The following VAPB variants were observed in gnomAD, a reference collection of about 807,000 sequenced individuals.
VAPB encodes the protein VAMP associated protein B and C, also known as vesicle-associated membrane protein-associated protein B/C.
A neutral mutation model predicts 25.6 loss-of-function variants in VAPB; 7 were observed. The ratio of observed to expected loss-of-function variants is 0.27; its 90% CI spans 0.16 to 0.51. VAPB has a LOEUF of 0.51. Ranked by LOEUF, VAPB falls within the 20% of genes least tolerant of loss-of-function variation. The pLI is 0.97. For synonymous variants in VAPB, 112 were observed against 109.2 expected, an observed-to-expected ratio of 1.03 and a Z score of -0.16; for missense variants, 266 against 301.3, an observed-to-expected ratio of 0.88 and a Z score of 0.87.
chr20:58,417,802 A>T (rs1988577127), intron 1 of VAPB, among the ~76,000 whole-genome samples: 1 of 152,174 alleles, frequency 6.6e-6, no homozygotes, highest in African/African-American at 2.4e-5. Context: ...TCATATTGTT[A>T]CTGTGGAAAT....
intron 1 of VAPB, among the ~76,000 whole-genome samples, chr20:58,417,344 A>T (rs1309716404): frequency 6.6e-6 from 1 of 152,226 alleles, no homozygotes; most frequent in East Asian, 1.9e-4. Flanking sequence ...GTAAACATAG[A>T]TGATGTGGAA....
chr20:58,441,258 C>G (rs1989155422), intron 5 of VAPB, among the ~76,000 whole-genome samples, 175 bp downstream of exon 5: 1 of 151,834 alleles, frequency 6.6e-6, no homozygotes, highest in African/African-American at 2.4e-5. Context: ...TCAAAAGGGT[C>G]CTTGGATCTG....
At chr20:58,398,907 A>G (rs1434450141) in intron 1 of VAPB, among the ~76,000 whole-genome samples, 1 of 151,782 alleles carries the variant, frequency 6.6e-6, no homozygotes, top group Non-Finnish European at 1.5e-5. Context: ...CTTAAAAGAT[A>G]AGTGGGAGTG....
intron 5 of VAPB, among the ~76,000 whole-genome samples, chr20:58,442,522 C>T (rs1025459331): frequency 2.0e-5 from 3 of 152,032 alleles, no homozygotes; most frequent in Admixed American, 2.0e-4. Flanking sequence ...CGGGCCATGC[C>T]CCATGAGCAG....
At chr20:58,404,061 C>G (rs1163789963) in intron 1 of VAPB, among the ~76,000 whole-genome samples, 1 of 152,196 alleles carries the variant, frequency 6.6e-6, no homozygotes, top group African/African-American at 2.4e-5. Flanking sequence ...ATTGTAGTAG[C>G]ACCGTGACTC....
At chr20:58,411,901 G>A (rs371142467) in intron 1 of VAPB, among the ~76,000 whole-genome samples, 2 of 151,904 alleles carry the variant, frequency 1.3e-5, no homozygotes, top group Admixed American at 6.6e-5. Context: ...GGATGGTCTC[G>A]ATCTCCTGAC....
chr20:58,426,700 A>G (rs1485426879), intron 2 of VAPB, among the ~76,000 whole-genome samples: 2 of 152,200 alleles, frequency 1.3e-5, no homozygotes, highest in Admixed American at 1.3e-4. Context: ...TTACCATGAT[A>G]CAAGTAGGGT....
intron 1 of VAPB, among the ~76,000 whole-genome samples, chr20:58,405,520 T>C (rs1459221067): frequency 6.6e-6 from 1 of 152,046 alleles, no homozygotes; most frequent in Non-Finnish European, 1.5e-5. Flanking sequence ...TGGAGTGTAG[T>C]GGCGCGATCT....
At chr20:58,403,691 C>T (rs904481514) in intron 1 of VAPB, among the ~76,000 whole-genome samples, 2 of 152,142 alleles carry the variant, frequency 1.3e-5, no homozygotes, top group African/African-American at 2.4e-5. Flanking sequence ...TTAATAATGC[C>T]TTCATCTTCC....
At chr20:58,410,248 G>A (rs1214690280) in intron 1 of VAPB, among the ~76,000 whole-genome samples, 1 of 152,056 alleles carries the variant, frequency 6.6e-6, no homozygotes, top group African/African-American at 2.4e-5. Flanking sequence ...TCCGTAGTCT[G>A]CGTTAGTATT....
chr20:58,445,783 C>G lies in VAPB; in HGVS notation c.*1548C>G, dbSNP rs991726275. 5 of 453,584 alleles carry G rather than the reference C, an allele frequency of 1.1e-5. No homozygotes were observed. Among genetic ancestry groups the G allele is most frequent in the Middle Eastern group, 6.8e-4 (1 of 1,466 alleles). The allele number at this position is 453,584 out of a possible 1,614,324, so 28.1% of individuals were successfully genotyped here. A position where few individuals can be genotyped will look rare whatever the true frequency, so the allele number is the denominator to read the frequency against. ...AAATGAAACTGCTGAAAAAGCTGAG[C>G]ACCTGGTCACCCTTGGCCTTCCATT... is the stretch of plus-strand genomic sequence containing the variant. On this transcript the variant is annotated 3_prime_UTR_variant, in exon 6 of 6. Coordinates refer to ENST00000475243, the MANE Select transcript of VAPB (RefSeq NM_004738.5).
intron 5 of VAPB, 133 bp from the exon 6 acceptor site, chr20:58,443,944 G>T (rs959325261): frequency 7.6e-7 from 1 of 1,311,324 alleles, no homozygotes. Context: ...CAGTTTCTCC[G>T]TTTGCAAAAT....
At position 58,411,341 on chromosome 20, in the gene VAPB, GCA is replaced by G. The variant is rs201538713; in HGVS notation, c.59-6867_59-6866del. On this transcript the variant is annotated intron_variant, in intron 1 of 5. Transcript: ENST00000475243. ...CTGTCGCCCAGGCTGAAGTGCAGTG[GCA>G]CAGTCTTGGCTCACTGCAACCTCTG... is the stretch of plus-strand genomic sequence containing the variant. 1.1e-3 allele frequency among the ~76,000 whole-genome samples: 162 copies of G among 152,364 alleles called. 3 individuals carry two copies. The East Asian group carries it at 0.021, about 20-fold the overall frequency.
chr20:58,406,327 T>TA (rs1225251714), intron 1 of VAPB, among the ~76,000 whole-genome samples: 1 of 152,208 alleles, frequency 6.6e-6, no homozygotes, highest in Admixed American at 6.5e-5. Context: ...AGAATGAGCA[T>TA]AATTTCCAAA....
chr20:58,450,323 C>T lies in VAPB; in HGVS notation c.*6088C>T, dbSNP rs147304840. ...ACTACTTTTTGCTTTTCATCATTCACTCCTTAGCAAACGTTTCGTAAGTAC... is the reference window on the plus strand; with the variant it reads ...ACTACTTTTTGCTTTTCATCATTCATTCCTTAGCAAACGTTTCGTAAGTAC... On this transcript the variant is annotated 3_prime_UTR_variant, in exon 6 of 6. Transcript: ENST00000475243. 3,437 of 453,914 alleles carry T rather than the reference C, an allele frequency of 7.6e-3. 33 individuals carry two copies. The highest frequency in any genetic ancestry group is 0.011 in the Non-Finnish European group (2,502 of 226,730). The allele number at this position is 453,914 out of a possible 1,614,324, so 28.1% of individuals were successfully genotyped here.
At chr20:58,395,636 C>T (rs149480936) in intron 1 of VAPB, among the ~76,000 whole-genome samples, 69 of 152,266 alleles carry the variant, frequency 4.5e-4, no homozygotes, top group African/African-American at 1.4e-3. Context: ...AAGCCTTTTG[C>T]GTTATTTTGC....
At chr20:58,402,360 C>G (rs529809526) in intron 1 of VAPB, among the ~76,000 whole-genome samples, 1 of 152,068 alleles carries the variant, frequency 6.6e-6, no homozygotes, top group African/African-American at 2.4e-5. Flanking sequence ...TTAGTTGATT[C>G]CTTTTCCTCT....
chr20:58,393,372 C>T (rs1871720825), intron 1 of VAPB, among the ~76,000 whole-genome samples: 1 of 151,060 alleles, frequency 6.6e-6, no homozygotes, highest in Non-Finnish European at 1.5e-5. Flanking sequence ...GTCTTTTTCA[C>T]TAAGTCATAG....
At chr20:58,415,832 A>G (rs1057356899) in intron 1 of VAPB, among the ~76,000 whole-genome samples, 9 of 152,248 alleles carry the variant, frequency 5.9e-5, no homozygotes, top group Admixed American at 5.9e-4. Context: ...GGTTTTGTGT[A>G]TGCTAATCCA....
Sources: gnomAD v4.1 joint callset for allele counts (sites outside exome capture counted in the v4.1 genomes callset) on GRCh38, gnomAD v4.1.1 for gene constraint, MANE v1.5 for transcripts, NCBI Gene and HGNC (gene_info 2026-07-23, HGNC 2026-07-21) for gene names.